Variants in PDE11A observed in about 807,000 individuals in gnomAD.
The protein encoded by PDE11A is phosphodiesterase 11A.
In PDE11A, 100 loss-of-function variants were observed where a neutral mutation model predicts 100.5. The ratio of observed to expected loss-of-function variants is 1.00; its 90% confidence interval spans 0.85 to 1.18. PDE11A has a LOEUF of 1.18. Ranked by LOEUF, PDE11A falls within the 50% of genes most tolerant of loss-of-function variation. The pLI, the probability that PDE11A is intolerant of heterozygous loss-of-function variation, is 0.00. For synonymous variants in PDE11A, 381 were observed against 420.8 expected, an observed-to-expected ratio of 0.91 and a Z score of 1.16; for missense variants, 1,141 against 1,152.6, an observed-to-expected ratio of 0.99 and a Z score of 0.15.
intron 2 of PDE11A, among the ~76,000 whole-genome samples, chr2:178,102,540 C>T (rs1236059857): frequency 6.9e-6 from 1 of 144,034 alleles, no homozygotes; most frequent in Non-Finnish European, 1.5e-5. Flanking sequence ...TCCCAAAGTA[C>T]AGGGATTACA....
At chr2:178,075,810 G>C (rs1366715591), upstream of PDE11A, among the ~76,000 whole-genome samples, 1 of 152,126 alleles carries the variant, frequency 6.6e-6, no homozygotes. Flanking sequence ...GAAACTTGAA[G>C]AGGTCCCCTT....
Position 177,629,233 on chromosome 2 carries a change from C to G in PDE11A, c.*174G>C. On this transcript the variant is annotated 3_prime_UTR_variant, in exon 20 of 20. Transcript: ENST00000286063. ...TGCCCCACCTCTTTCTTTGTCCTTCCCGTTGCTCTCTCTGCTGCTGACCAT... is the reference window on the plus strand; with the variant it reads ...TGCCCCACCTCTTTCTTTGTCCTTCGCGTTGCTCTCTCTGCTGCTGACCAT... 1 of 678,522 alleles carries G rather than the reference C, an allele frequency of 1.5e-6. No homozygotes were observed. Among genetic ancestry groups the G allele is most frequent in the Non-Finnish European group, 2.7e-6 (1 of 375,350 alleles). 42.0% of individuals were successfully genotyped at this position (678,522 alleles called of 1,614,324 possible). A position where few individuals can be genotyped will look rare whatever the true frequency, so the allele number is the denominator to read the frequency against.
At chr2:177,881,986 G>A (rs1459094355) in intron 4 of PDE11A, among the ~76,000 whole-genome samples, 3 of 152,202 alleles carry the variant, frequency 2.0e-5, no homozygotes. Flanking sequence ...TTCAGAAAGA[G>A]GATTCTTGGA....
chr2:177,728,613 T>A (rs2081637973), intron 10 of PDE11A, among the ~76,000 whole-genome samples: 1 of 152,200 alleles, frequency 6.6e-6, no homozygotes. Context: ...GTTTCTTATA[T>A]CCTTATATCC....
chr2:177,713,280 A>C (rs2081384181), intron 12 of PDE11A, among the ~76,000 whole-genome samples: 2 of 152,078 alleles, frequency 1.3e-5, no homozygotes, highest in Non-Finnish European at 2.9e-5. Context: ...AAATGCTGGG[A>C]TTATAGGTGT....
At chr2:177,953,605 G>C (rs13403540) in intron 2 of PDE11A, among the ~76,000 whole-genome samples, 5,717 of 152,134 alleles carry the variant, frequency 0.038, 370 homozygotes, top group African/African-American at 0.13. Context: ...TTGAGTACAA[G>C]CTGCTACTTC....
rs1164988120 is a variant in PDE11A at position 177,625,615 on chromosome 2, G to A, written c.*3792C>T. Reference sequence around the variant, plus strand: ...CAACAATTAATGCCAAGAGACCTGAGGAAGCAAACATAATCTGGTCAGTTT... The same window carrying A: ...CAACAATTAATGCCAAGAGACCTGAAGAAGCAAACATAATCTGGTCAGTTT... On this transcript the variant is annotated 3_prime_UTR_variant, in exon 20 of 20. Coordinates refer to ENST00000286063, the MANE Select transcript of PDE11A (RefSeq NM_016953.4). The A allele has an allele frequency of 1.3e-5, 2 of 152,172 alleles. No homozygotes were observed. The highest frequency in any genetic ancestry group is 3.8e-4 in the East Asian group (2 of 5,206). 9.4% of individuals were successfully genotyped at this position (152,172 alleles called of 1,614,324 possible). A position where few individuals can be genotyped will look rare whatever the true frequency, so the allele number is the denominator to read the frequency against.
chr2:178,056,824 G>C (rs1229638535), intron 1 of PDE11A, among the ~76,000 whole-genome samples: 1 of 152,004 alleles, frequency 6.6e-6, no homozygotes, highest in Non-Finnish European at 1.5e-5. Context: ...AGGTAAGTAA[G>C]GTCATAGAAG....
Position 177,817,831 on chromosome 2 carries a change from ACTTGGTT to A in PDE11A, c.1644+20_1644+26del. The A allele has an allele frequency of 9.3e-6, 10 of 1,070,492 alleles. No individual in the cohort carries two copies. The highest frequency in any genetic ancestry group is 1.6e-5 in the African/African-American group (1 of 62,364). 66.3% of individuals were successfully genotyped at this position (1,070,492 alleles called of 1,614,324 possible). A position where few individuals can be genotyped will look rare whatever the true frequency, so the allele number is the denominator to read the frequency against. On this transcript the variant is annotated intron_variant, in intron 8 of 19. Transcript: ENST00000286063. ...CAACCAGGGGACTATTGATGACTCC[ACTTGGTT>A]TATAAATTTATTTTCTTACCTCAAA...
intron 19 of PDE11A, among the ~76,000 whole-genome samples, chr2:177,663,632 A>G (rs1544003): frequency 0.77 from 116,880 of 151,354 alleles, 45,772 homozygotes; most frequent in East Asian, 0.89. Flanking sequence ...ATGAGGGAGT[A>G]GAGGCCCATG....
intron 2 of PDE11A, chr2:177,927,033 C>T (rs1198606373): frequency 2.5e-4 from 38 of 152,242 alleles, no homozygotes; most frequent in Admixed American, 2.5e-3. Flanking sequence ...CAGCAACTCC[C>T]TACTGCCTTC....
At chr2:177,854,994 T>C (rs991582916) in intron 5 of PDE11A, among the ~76,000 whole-genome samples, 1 of 152,144 alleles carries the variant, frequency 6.6e-6, no homozygotes, top group African/African-American at 2.4e-5. Flanking sequence ...TTGCTTACAT[T>C]CCAAGACGAC....
intron 19 of PDE11A, 92 bp downstream of exon 19, chr2:177,663,774 G>C: frequency 1.2e-6 from 1 of 800,034 alleles, no homozygotes; most frequent in South Asian, 1.4e-5. Context: ...GCATACCCTG[G>C]AAATGTCTCC....
intron 10 of PDE11A, among the ~76,000 whole-genome samples, chr2:177,730,241 G>A (rs918731806): frequency 1.3e-5 from 2 of 151,928 alleles, no homozygotes; most frequent in Non-Finnish European, 2.9e-5. Context: ...CACACCCCAC[G>A]ACAGATCCCG....
At chr2:177,675,597 TAAATA>T in intron 16 of PDE11A, 79 bp from the exon 17 acceptor site, 2 of 1,032,070 alleles carry the variant, frequency 1.9e-6, no homozygotes, top group Non-Finnish European at 3.0e-6. Flanking sequence ...GATACATAAA[TAAATA>T]AAATAAAATG....
chr2:177,846,208 T>C (rs927205777), intron 5 of PDE11A, among the ~76,000 whole-genome samples: 2 of 152,176 alleles, frequency 1.3e-5, no homozygotes, highest in African/African-American at 2.4e-5. Flanking sequence ...CATACCTCAA[T>C]CAAATGTCCC....
At chr2:177,704,291 A>G (rs764193150) in intron 13 of PDE11A, among the ~76,000 whole-genome samples, 1 of 152,216 alleles carries the variant, frequency 6.6e-6, no homozygotes, top group Non-Finnish European at 1.5e-5. Context: ...TCTGCAAACA[A>G]GGTGCCATCT....
intron 5 of PDE11A, among the ~76,000 whole-genome samples, chr2:177,870,368 C>T (rs1252788904): frequency 6.6e-6 from 1 of 152,224 alleles, no homozygotes; most frequent in South Asian, 2.1e-4. Flanking sequence ...TATTAACCAG[C>T]ATTTAAGTCC....
At chr2:178,089,822 T>G (rs1261561204) in intron 2 of PDE11A, among the ~76,000 whole-genome samples, 1 of 152,138 alleles carries the variant, frequency 6.6e-6, no homozygotes, top group Non-Finnish European at 1.5e-5. Context: ...GAGGGTAAAC[T>G]GGTACCTGTG....
Sources: gnomAD v4.1 joint callset for allele counts (sites outside exome capture counted in the v4.1 genomes callset) on GRCh38, gnomAD v4.1.1 for gene constraint, MANE v1.5 for transcripts, NCBI Gene and HGNC (gene_info 2026-07-23, HGNC 2026-07-21) for gene names.